UNC13C: variants seen among roughly 807,000 people sequenced by gnomAD.
The protein encoded by UNC13C is unc-13 homolog C.
A neutral mutation model predicts 245.4 loss-of-function variants in UNC13C; 174 were observed. The observed-to-expected ratio is 0.71, with a 90% CI of 0.63 to 0.80. The LOEUF (loss-of-function observed/expected upper bound fraction) is 0.80. Ranked by LOEUF, UNC13C falls within the 30% of genes least tolerant of loss-of-function variation. The pLI is 0.00. For synonymous variants in UNC13C, 992 were observed against 895.1 expected, an observed-to-expected ratio of 1.11 and a Z score of -1.93; for missense variants, 2,829 against 2,602.9, an observed-to-expected ratio of 1.09 and a Z score of -1.89.
At chr15:53,972,001 T>C in the UNC13C span, among the ~76,000 whole-genome samples, 1 of 152,340 alleles carries the variant, frequency 6.6e-6, no homozygotes, top group African/African-American at 2.4e-5. Context: ...TTAGAATTAT[T>C]TTTAAATGAC....
intron 14 of UNC13C, among the ~76,000 whole-genome samples, chr15:54,331,767 A>G (rs1308541632): frequency 1.3e-5 from 2 of 152,100 alleles, no homozygotes; most frequent in East Asian, 3.9e-4. Context: ...TCTTTCTACA[A>G]AATGCAAGTC....
In UNC13C at chr15:54,013,057, T is replaced by G; in HGVS notation, c.154T>G (p.Ser52Ala). The change falls in exon 2 of 33, where the codon TCC (serine) becomes GCC (alanine). Residue 52 changes from serine to alanine, a missense_variant. Ser to Ala is a moderately conservative substitution (Grantham distance 99, BLOSUM62 1). Coordinates refer to ENST00000260323, the MANE Select transcript of UNC13C (RefSeq NM_001080534.3). ...QDFPTAGQTK[S>A]PKFSYTFKST... ...CTTCCCCACTGCTGGCCAGACCAAATCCCCCAAATTTTCTTACACTTTTAA... is the reference window on the plus strand; with the variant it reads ...CTTCCCCACTGCTGGCCAGACCAAAGCCCCCAAATTTTCTTACACTTTTAA... 6.2e-7 allele frequency: 1 copy of G among 1,613,674 alleles called. No individual in the cohort carries two copies.
chr15:54,156,100 GA>G (rs1247538799), intron 4 of UNC13C, among the ~76,000 whole-genome samples: 2 of 152,182 alleles, frequency 1.3e-5, no homozygotes, highest in African/African-American at 4.8e-5. Context: ...GGGTGATGGT[GA>G]AAATGACGGG....
At chr15:54,537,170 C>T (rs890378419) in intron 26 of UNC13C, among the ~76,000 whole-genome samples, 9 of 152,046 alleles carry the variant, frequency 5.9e-5, no homozygotes, top group African/African-American at 2.2e-4. Flanking sequence ...AGTAGTATTT[C>T]TATGCACCAA....
chr15:54,622,242 T>G, intron 30 of UNC13C, 85 bp from the exon 31 acceptor site: 1 of 896,512 alleles, frequency 1.1e-6, no homozygotes, highest in East Asian at 2.4e-5. Context: ...CAATAATACA[T>G]TTTATGTTTT....
At chr15:53,901,637 C>T in the UNC13C span, among the ~76,000 whole-genome samples, 2 of 152,076 alleles carry the variant, frequency 1.3e-5, no homozygotes, top group Non-Finnish European at 2.9e-5. Flanking sequence ...TTGAAATTAA[C>T]ATTTTTGTAT....
intron 4 of UNC13C, among the ~76,000 whole-genome samples, chr15:54,212,899 C>A (rs2034927035): frequency 6.6e-6 from 1 of 152,044 alleles, no homozygotes; most frequent in South Asian, 2.1e-4. Context: ...ACAAACAGTA[C>A]TTTTTCTCTA....
chr15:54,622,536 C>T, intron 31 of UNC13C, 117 bp downstream of exon 31: 3 of 731,740 alleles, frequency 4.1e-6, no homozygotes, highest in East Asian at 2.7e-5. Flanking sequence ...TTAGGGCATG[C>T]ACAAAATTTC....
chr15:54,238,417 C>T (rs1008772216), intron 7 of UNC13C, among the ~76,000 whole-genome samples: 5 of 152,006 alleles, frequency 3.3e-5, no homozygotes, highest in South Asian at 2.1e-4. Context: ...CATATGATTA[C>T]GAGTGAAGTT....
rs1896841813 is a variant in UNC13C at position 54,552,629 on chromosome 15, TGTACA to T, written c.5878-2802_5878-2798del. ...ATAATTATATAATTATATTATATAT[TGTACA>T]ATATAATATAATTATATAATTATAT... On this transcript the variant is annotated intron_variant, in intron 28 of 32. Coordinates refer to ENST00000260323, the MANE Select transcript of UNC13C (RefSeq NM_001080534.3). 4.3e-5 allele frequency among the ~76,000 whole-genome samples: 3 copies of T among 70,352 alleles called. 1 individual carries two copies. Among genetic ancestry groups the T allele is most frequent in the Non-Finnish European group, 2.2e-5 (1 of 45,074 alleles). 46.2% of individuals were successfully genotyped at this position (70,352 alleles called of 152,430 possible). A position where few individuals can be genotyped will look rare whatever the true frequency, so the allele number is the denominator to read the frequency against.
intron 19 of UNC13C, among the ~76,000 whole-genome samples, chr15:54,444,593 A>G (rs1222706177): frequency 6.6e-6 from 1 of 151,592 alleles, no homozygotes; most frequent in Non-Finnish European, 1.5e-5. Flanking sequence ...GATCATTTGT[A>G]TATCCTTTGT....
At chr15:53,888,905 C>G in the UNC13C span, among the ~76,000 whole-genome samples, 3 of 152,102 alleles carry the variant, frequency 2.0e-5, no homozygotes, top group Admixed American at 6.5e-5. Flanking sequence ...TTCCATTGGT[C>G]TAAATATCTG....
chr15:54,158,067 A>G (rs534016690), intron 4 of UNC13C, among the ~76,000 whole-genome samples: 1 of 152,342 alleles, frequency 6.6e-6, no homozygotes, highest in South Asian at 2.1e-4. Flanking sequence ...TCATATCTCA[A>G]GGAACTCATC....
At chr15:54,254,406 T>C (rs1296969991) in intron 8 of UNC13C, among the ~76,000 whole-genome samples, 1 of 152,234 alleles carries the variant, frequency 6.6e-6, no homozygotes, top group African/African-American at 2.4e-5. Context: ...TTTTACAATA[T>C]ATGTTTAAGT....
At chr15:54,615,829 C>G (rs1900398249) in intron 30 of UNC13C, among the ~76,000 whole-genome samples, 1 of 151,918 alleles carries the variant, frequency 6.6e-6, no homozygotes. Flanking sequence ...TCTGTGGATT[C>G]CAAAAGACAA....
chr15:54,358,182 C>G (rs1193381903), intron 17 of UNC13C, among the ~76,000 whole-genome samples: 9 of 151,928 alleles, frequency 5.9e-5, no homozygotes, highest in African/African-American at 1.9e-4. Context: ...GCCAATGTGT[C>G]TGTTTTTATG....
At chr15:54,390,846 C>G (rs952924790) in intron 17 of UNC13C, among the ~76,000 whole-genome samples, 1 of 151,672 alleles carries the variant, frequency 6.6e-6, no homozygotes. Flanking sequence ...GAGACCTCAT[C>G]CTTTCAGCAT....
Position 54,264,537 on chromosome 15 carries a change from C to T in UNC13C, c.3676+142C>T, listed in dbSNP as rs986045459. On this transcript the variant is annotated intron_variant, in intron 9 of 32. Coordinates refer to ENST00000260323, the MANE Select transcript of UNC13C (RefSeq NM_001080534.3). The stretch of plus-strand genomic sequence containing the variant: ...ATATGAACAAGACTAGTTGGTACTT[C>T]ACATTTTGAAAATACATACTAGATA... 1.6e-5 allele frequency: 11 copies of T among 680,812 alleles called. No homozygotes were observed. In the African/African-American group the frequency reaches 1.7e-4, roughly 10 times the overall value. The allele number at this position is 680,812 out of a possible 1,614,324, so 42.2% of individuals were successfully genotyped here.
intron 2 of UNC13C, among the ~76,000 whole-genome samples, chr15:54,138,165 G>C (rs1022562656): frequency 6.6e-6 from 1 of 152,088 alleles, no homozygotes; most frequent in Non-Finnish European, 1.5e-5. Flanking sequence ...GGTCAGAAAA[G>C]ACACTTGATA....
Sources: gnomAD v4.1 joint callset for allele counts (sites outside exome capture counted in the v4.1 genomes callset) on GRCh38, gnomAD v4.1.1 for gene constraint, MANE v1.5 for transcripts, NCBI Gene and HGNC (gene_info 2026-07-23, HGNC 2026-07-21) for gene names.